Variants in ASMTL observed in about 807,000 individuals in gnomAD.
ASMTL encodes probable bifunctional dTTP/UTP pyrophosphatase/methyltransferase protein.
ASMTL carries 57 observed loss-of-function variants against 60.3 expected under a neutral mutation model. That is an observed-to-expected ratio of 0.95 (90% CI 0.76 to 1.18). ASMTL has a LOEUF of 1.18. ASMTL is among the 50% of genes most tolerant of loss of function. The pLI, the probability that ASMTL is intolerant of heterozygous loss-of-function variation, is 0.00. For synonymous variants in ASMTL, 419 were observed against 373.0 expected (o/e 1.12, Z -1.42); for missense variants, 981 against 852.6 (o/e 1.15, Z -1.88).
Position 1,403,349 on chromosome X carries a change from G to A in ASMTL, c.1786C>T (p.Leu596=), listed in dbSNP as rs1266951093. The change falls in exon 13 of 13, where the codon CTG becomes TTG. Residue 596 remains leucine, a synonymous_variant. Coordinates refer to ENST00000381317, the MANE Select transcript of ASMTL (RefSeq NM_004192.4). ...ACCTGCACCTGGTGGAAGCCGTGCA[G>A]CTCCAGCAAGCACTGATACTCGCCC... ...SLGEYQCLLE[L]HGFHQVQVVH... is the part of the protein sequence containing the mutation. 1.2e-6 allele frequency: 2 copies of A among 1,613,272 alleles called. No homozygotes were observed. The highest frequency in any genetic ancestry group is 2.7e-5 in the African/African-American group (2 of 74,942).
chrX:1,443,113 T>G (rs2091144916), intron 1 of ASMTL, among the ~76,000 whole-genome samples: 2 of 149,298 alleles, frequency 1.3e-5, no homozygotes, highest in African/African-American at 4.9e-5. Context: ...ACCGTCGTCG[T>G]GGACACACAC....
At chrX:1,453,118 T>C (rs2091437132), upstream of ASMTL, among the ~76,000 whole-genome samples, 1 of 89,282 alleles carries the variant, frequency 1.1e-5, no homozygotes. Context: ...CCCATTGATC[T>C]CCCCTGAGAC....
rs769039465 is a variant in ASMTL, at chrX:1,425,682, C to T, written c.903G>A (p.Leu301=). ...ACACCTTCAGTTTGCAAGCGGTGAG[C>T]AGGCCCTGTTAAAAGCAAGTGCAGA... is the stretch of plus-strand genomic sequence containing the variant. ...LIEGFMLSKG[L]LTACKLKVFD... The change falls in exon 8 of 13, where the codon CTG becomes CTA. Residue 301 remains leucine, a synonymous_variant. Transcript: ENST00000381317. 1 of 1,613,254 alleles carries T rather than the reference C, an allele frequency of 6.2e-7. No individual in the cohort carries two copies.
intron 11 of ASMTL, chrX:1,413,116 A>G: frequency 4.2e-6 from 2 of 476,396 alleles, no homozygotes; most frequent in Non-Finnish European, 7.7e-6. Flanking sequence ...TAATCTCAGC[A>G]TTTTGGGAGC....
In ASMTL at chrX:1,419,001, G is replaced by A. The variant is rs1367604665; in HGVS notation, c.1359C>T (p.Ser453=). The A allele has an allele frequency of 1.2e-6, 2 of 1,611,726 alleles. No individual in the cohort carries two copies. The highest frequency in any genetic ancestry group is 2.2e-5 in the East Asian group (1 of 44,886). Residue 453 remains serine (S), a synonymous_variant, in exon 10 of 13, where the codon TCC becomes TCT. Coordinates refer to ENST00000381317, the MANE Select transcript of ASMTL (RefSeq NM_004192.4). ...ACCCACCTCCCACGTCGCAGGCGGAGGAGAAGCGGGACAGATTGAAGGCCG... is the reference window on the plus strand; with the variant it reads ...ACCCACCTCCCACGTCGCAGGCGGAAGAGAAGCGGGACAGATTGAAGGCCG... ...VATAFNLSRF[S]SACDVGGCTG... is the part of the protein sequence containing the mutation.
chrX:1,447,527 A>G (rs2091253658), intron 1 of ASMTL, among the ~76,000 whole-genome samples: 1 of 148,588 alleles, frequency 6.7e-6, no homozygotes, highest in African/African-American at 2.5e-5. Flanking sequence ...AAGCACCACC[A>G]TCTTGGACAC....
intron 9 of ASMTL, among the ~76,000 whole-genome samples, chrX:1,421,330 G>A (rs189380472): frequency 4.4e-4 from 67 of 152,112 alleles, no homozygotes; most frequent in African/African-American, 1.5e-3. Flanking sequence ...TCAAACTCCC[G>A]GGCTCAAATC....
chrX:1,448,581 A>ACCATCTTGGACACACACGG (rs1444851152), intron 1 of ASMTL, among the ~76,000 whole-genome samples: 5 of 149,786 alleles, frequency 3.3e-5, no homozygotes, highest in African/African-American at 9.9e-5. Flanking sequence ...TTGGACACAC[A>ACCATCTTGGACACACACGG]CCATCTTGGA....
chrX:1,413,939 G>C (rs1188295254), intron 11 of ASMTL: 2 of 150,972 alleles, frequency 1.3e-5, no homozygotes, highest in East Asian at 4.0e-4. Flanking sequence ...GGGTTGGGTG[G>C]TGACGTCCAA....
chrX:1,441,988 C>T, intron 2 of ASMTL, 198 bp downstream of exon 2: 1 of 628,664 alleles, frequency 1.6e-6, no homozygotes, highest in Non-Finnish European at 2.8e-6. Context: ...CAGATAAGCT[C>T]CATTAATTCT....
chrX:1,415,060 C>T (rs1390526484), intron 11 of ASMTL, among the ~76,000 whole-genome samples: 3 of 19,024 alleles, frequency 1.6e-4, no homozygotes, highest in African/African-American at 1.9e-4. Context: ...CCTGCCTCAG[C>T]CTCCTGAATA....
intron 3 of ASMTL, among the ~76,000 whole-genome samples, chrX:1,437,302 C>G (rs185608774): frequency 6.6e-6 from 1 of 151,226 alleles, no homozygotes; most frequent in African/African-American, 2.4e-5. Context: ...CTTATCTGCT[C>G]TTCTTATGAG....
At chrX:1,410,985 AGACCAGCCT>A (rs2089996268) in intron 12 of ASMTL, among the ~76,000 whole-genome samples, 1 of 151,864 alleles carries the variant, frequency 6.6e-6, no homozygotes, top group Non-Finnish European at 1.5e-5. Context: ...TGGGAGTTCG[AGACCAGCCT>A]GACCAACATG....
intron 1 of ASMTL, among the ~76,000 whole-genome samples, chrX:1,447,210 C>A (rs1411567188): frequency 6.6e-6 from 1 of 152,234 alleles, no homozygotes; most frequent in African/African-American, 2.4e-5. Context: ...AAAGAACACA[C>A]CACCCCTCGT....
intron 12 of ASMTL, among the ~76,000 whole-genome samples, chrX:1,404,358 G>A (rs191564375): frequency 6.6e-6 from 1 of 151,166 alleles, no homozygotes; most frequent in Non-Finnish European, 1.5e-5. Context: ...GCATGGATGA[G>A]ATGGATGGGT....
At chrX:1,445,982 T>G (rs753697004) in intron 1 of ASMTL, among the ~76,000 whole-genome samples, 2 of 152,090 alleles carry the variant, frequency 1.3e-5, no homozygotes, top group African/African-American at 4.8e-5. Context: ...GGACCTGACA[T>G]CAGTCAGACC....
At chrX:1,404,249 GGATGGATA>G (rs1454719207) in intron 12 of ASMTL, among the ~76,000 whole-genome samples, 1 of 150,538 alleles carries the variant, frequency 6.6e-6, no homozygotes, top group African/African-American at 2.5e-5. Context: ...GTAGATGAAT[GGATGGATA>G]GATGGATGCA....
At chrX:1,426,413 T>C (rs2047202217) in intron 7 of ASMTL, among the ~76,000 whole-genome samples, 2 of 152,122 alleles carry the variant, frequency 1.3e-5, no homozygotes, top group Non-Finnish European at 2.9e-5. Context: ...CCCGTCTCCC[T>C]GTCTCCCAAA....
chrX:1,421,117 C>G (rs1450832214), intron 9 of ASMTL, among the ~76,000 whole-genome samples: 1 of 151,928 alleles, frequency 6.6e-6, no homozygotes, highest in Non-Finnish European at 1.5e-5. Flanking sequence ...GCGCCATCAT[C>G]CCCAGCTAAT....
Sources: allele counts gnomAD v4.1 joint callset (sites outside exome capture counted in the v4.1 genomes callset), GRCh38; gene constraint gnomAD v4.1.1; transcripts MANE v1.5; gene names NCBI Gene and HGNC (gene_info 2026-07-23, HGNC 2026-07-21).